The following ANKRD31 variants were observed in gnomAD, a reference collection of about 807,000 sequenced individuals.
ANKRD31 encodes the protein ankyrin repeat domain-containing protein 31.
A neutral mutation model predicts 186.0 loss-of-function variants in ANKRD31; 147 were observed. The observed-to-expected ratio is 0.79, with a 90% CI of 0.69 to 0.91. The LOEUF (loss-of-function observed/expected upper bound fraction) is 0.91. Ranked by LOEUF, ANKRD31 falls within the 40% of genes least tolerant of loss-of-function variation. ANKRD31 has a pLI of 0.00. For synonymous variants in ANKRD31, 673 were observed against 736.4 expected, an observed-to-expected ratio of 0.91 and a Z score of 1.39; for missense variants, 1,986 against 2,148.8, an observed-to-expected ratio of 0.92 and a Z score of 1.50.
intron 11 of ANKRD31, among the ~76,000 whole-genome samples, chr5:75,159,804 A>G (rs1752451917): frequency 6.6e-6 from 1 of 152,162 alleles, no homozygotes; most frequent in Non-Finnish European, 1.5e-5. Flanking sequence ...AATTATACAG[A>G]TAATTATGGG....
intron 11 of ANKRD31, among the ~76,000 whole-genome samples, chr5:75,163,940 T>C (rs1345381623): frequency 1.3e-5 from 2 of 152,184 alleles, no homozygotes; most frequent in Non-Finnish European, 2.9e-5. Flanking sequence ...CCTCCAAAGG[T>C]AGAGCCTAAT....
At chr5:75,161,172 T>C (rs1752549992) in intron 11 of ANKRD31, among the ~76,000 whole-genome samples, 1 of 152,114 alleles carries the variant, frequency 6.6e-6, no homozygotes, top group South Asian at 2.1e-4. Flanking sequence ...GTGGGAAAGT[T>C]TGGAACTCCC....
chr5:75,073,468 A>C (rs1744400417), intron 25 of ANKRD31, among the ~76,000 whole-genome samples: 1 of 152,170 alleles, frequency 6.6e-6, no homozygotes, highest in Non-Finnish European at 1.5e-5. Context: ...CAGTGGCTCC[A>C]GAGGCAGCAA....
intron 16 of ANKRD31, 80 bp from the exon 17 acceptor site, chr5:75,138,078 G>C: frequency 8.1e-7 from 1 of 1,240,228 alleles, no homozygotes; most frequent in Non-Finnish European, 1.0e-6. Flanking sequence ...CTAAGGTTTT[G>C]TTGCATTAAT....
In ANKRD31 at chr5:75,154,227, G is replaced by T; in HGVS notation, c.1826C>A (p.Pro609His). 2 of 1,526,216 alleles carry T rather than the reference G, an allele frequency of 1.3e-6. No individual in the cohort carries two copies. The highest frequency in any genetic ancestry group is 1.2e-5 in the South Asian group (1 of 81,708). The allele number at this position is 1,526,216 out of a possible 1,614,324, so 94.5% of individuals were successfully genotyped here. A position where few individuals can be genotyped will look rare whatever the true frequency, so the allele number is the denominator to read the frequency against. The part of the protein sequence containing the change: ...CMKRLLERYI[P>H]KHQKCLTSAQ... ...TGATGTAAGGCATTTTTGATGTTTA[G>T]GGATATATCTCTCAAGGAGACGCTT... The change falls in exon 12 of 26, where the codon CCT becomes CAT. Residue 609 changes from proline (P) to histidine (H), a missense_variant. Transcript: ENST00000506364.
rs80172295 is a variant in ANKRD31 at position 75,210,476 on chromosome 5, G to A, written c.326+352C>T. The stretch of plus-strand genomic sequence containing the variant: ...GGCGTTAGCCACTATGCCTGGCCGA[G>A]TTTCTTAAGGTATAATAAGTTTATA... On this transcript the variant is annotated intron_variant, in intron 4 of 25. Coordinates refer to ENST00000506364, the MANE Select transcript of ANKRD31 (RefSeq NM_001372053.1). 2.4e-3 allele frequency among the ~76,000 whole-genome samples: 369 copies of A among 152,226 alleles called. 9 individuals carry two copies. In the East Asian group the frequency reaches 0.062, roughly 25 times the overall value.
At chr5:75,098,431 T>C (rs1193322922) in intron 22 of ANKRD31, among the ~76,000 whole-genome samples, 2 of 152,092 alleles carry the variant, frequency 1.3e-5, no homozygotes, top group Admixed American at 6.5e-5. Flanking sequence ...TTTGGTTCCA[T>C]ATGAACTTTC....
chr5:75,185,239 C>T (rs995524049), intron 10 of ANKRD31, among the ~76,000 whole-genome samples: 8 of 151,856 alleles, frequency 5.3e-5, no homozygotes, highest in South Asian at 2.1e-4. Flanking sequence ...TAGGAAGAGA[C>T]GGTCAATGGG....
chr5:75,087,749 A>G lies in ANKRD31; in HGVS notation c.5473-3375T>C, dbSNP rs145565124. Reference sequence around the variant, plus strand: ...AATACATTGTGGCTAAGAAAATAAAAATATTTCTCAAATAAAATATTTCTT... The same window carrying G: ...AATACATTGTGGCTAAGAAAATAAAGATATTTCTCAAATAAAATATTTCTT... On this transcript the variant is annotated intron_variant, in intron 23 of 25. Coordinates refer to ENST00000506364, the MANE Select transcript of ANKRD31 (RefSeq NM_001372053.1). Among the ~76,000 whole-genome samples the G allele has an allele frequency of 2.6e-3, 402 of 152,328 alleles. 3 individuals carry two copies. The East Asian group carries it at 0.035, about 13-fold the overall frequency.
Position 75,084,357 on chromosome 5 carries a change from C to G in ANKRD31, c.5490G>C (p.Lys1830Asn), listed in dbSNP as rs900429046. The change falls in exon 24 of 26, where the codon AAG (lysine) becomes AAC (asparagine). Residue 1830 changes from lysine to asparagine, a missense_variant. Physicochemically the swap from Lys to Asn is moderately conservative, Grantham distance 94. Transcript: ENST00000506364. The stretch of plus-strand genomic sequence containing the variant: ...CCTCAGAAACATACCTTAAAAGCTC[C>G]TTCCCAAGATACGTTACCTGCACAT... ...YAWSKVTYLGKELLRYVSEDA... is the reference protein window; with the variant it reads ...YAWSKVTYLGNELLRYVSEDA... 6.5e-7 allele frequency: 1 copy of G among 1,536,876 alleles called. No homozygotes were observed. Among genetic ancestry groups the G allele is most frequent in the African/African-American group, 1.4e-5 (1 of 72,988 alleles).
intron 17 of ANKRD31, among the ~76,000 whole-genome samples, chr5:75,135,207 G>A (rs1002479174): frequency 1.3e-5 from 2 of 152,172 alleles, no homozygotes; most frequent in African/African-American, 4.8e-5. Context: ...TATTGAATTA[G>A]GAAAAGAGGA....
At chr5:75,075,938 G>A (rs972323476) in intron 25 of ANKRD31, among the ~76,000 whole-genome samples, 6 of 152,112 alleles carry the variant, frequency 3.9e-5, no homozygotes, top group African/African-American at 1.2e-4. Flanking sequence ...GTTGATACAC[G>A]AGGTTCACTT....
rs536195501 is a variant in ANKRD31, at chr5:75,134,556, C to T, written c.3876+3300G>A. Among the ~76,000 whole-genome samples, 15 of 152,226 alleles carry T rather than the reference C, an allele frequency of 9.9e-5. No individual in the cohort carries two copies. The South Asian group carries it at 1.7e-3, about 17-fold the overall frequency. ...CAACCAAAAAAAGTCCAGGACCAGA[C>T]GGATTCACAGCTAAATTCTACCAGA... On this transcript the variant is annotated intron_variant, in intron 17 of 25. Coordinates refer to ENST00000506364, the MANE Select transcript of ANKRD31 (RefSeq NM_001372053.1).
intron 11 of ANKRD31, among the ~76,000 whole-genome samples, chr5:75,162,337 G>A (rs887904973): frequency 9.9e-5 from 15 of 152,162 alleles, no homozygotes; most frequent in African/African-American, 2.9e-4. Context: ...GCTGGATTTC[G>A]GACTTGCATA....
intron 9 of ANKRD31, 56 bp from the exon 10 acceptor site, chr5:75,188,704 T>C (rs1754904045): frequency 7.1e-7 from 1 of 1,409,632 alleles, no homozygotes; most frequent in East Asian, 2.5e-5. Flanking sequence ...TCAGAAGGAA[T>C]ACGGATTACA....
chr5:75,092,467 G>A (rs1240752509), intron 22 of ANKRD31, among the ~76,000 whole-genome samples: 1 of 152,144 alleles, frequency 6.6e-6, no homozygotes, highest in African/African-American at 2.4e-5. Context: ...GGCAGTAAGT[G>A]GAGCTTAAGA....
intron 10 of ANKRD31, among the ~76,000 whole-genome samples, chr5:75,176,301 C>G (rs1388668874): frequency 6.6e-6 from 1 of 152,212 alleles, no homozygotes; most frequent in Non-Finnish European, 1.5e-5. Flanking sequence ...GGCTCTACCT[C>G]TGGGGACAGG....
intron 11 of ANKRD31, among the ~76,000 whole-genome samples, chr5:75,161,688 A>T (rs1752578658): frequency 6.6e-6 from 1 of 152,116 alleles, no homozygotes; most frequent in Non-Finnish European, 1.5e-5. Context: ...GTCTAGGAGG[A>T]AAAAATGGTT....
At chr5:75,127,902 T>A (rs1188708309) in intron 17 of ANKRD31, among the ~76,000 whole-genome samples, 2 of 152,224 alleles carry the variant, frequency 1.3e-5, no homozygotes, top group Non-Finnish European at 2.9e-5. Flanking sequence ...GATATAATGA[T>A]AAATGGTATT....
Sources: allele counts gnomAD v4.1 joint callset (sites outside exome capture counted in the v4.1 genomes callset), GRCh38; gene constraint gnomAD v4.1.1; transcripts MANE v1.5; gene names NCBI Gene and HGNC (gene_info 2026-07-23, HGNC 2026-07-21).